CD300E: variants seen among roughly 807,000 people sequenced by gnomAD.
CD300E encodes CMRF35-like molecule 2.
In CD300E, 14 loss-of-function variants were observed where a neutral mutation model predicts 20.9. That is an observed-to-expected ratio of 0.67 (90% CI 0.44 to 1.05). The LOEUF (loss-of-function observed/expected upper bound fraction) is 1.05, where lower values mean the gene tolerates loss of function less well. Ranked by LOEUF, CD300E falls within the 50% of genes least tolerant of loss-of-function variation. The pLI is 0.00. For missense variants in CD300E, 237 were observed against 253.9 expected (o/e 0.93, Z 0.45); for synonymous variants, 102 against 103.7 (o/e 0.98, Z 0.10).
Position 74,614,025 on chromosome 17 carries a change from T to C in CD300E, c.397A>G (p.Thr133Ala), listed in dbSNP as rs56380796. 5,011 of 1,613,370 alleles carry C rather than the reference T, an allele frequency of 3.1e-3. 121 individuals are homozygous for C. In the African/African-American group the frequency reaches 0.057, roughly 18 times the overall value. The part of the protein sequence containing the change: ...VRVYVSPAIT[T>A]PRRTTHPATP... ...GCTGGATGTGTGGTCCTCCTTGGGG[T>C]TGTAATTGCTGTTGGAGATGAAAAT... Residue 133 changes from threonine to alanine, a missense_variant, in exon 3 of 4, where the codon ACC becomes GCC. Physicochemically the swap from Thr to Ala is moderately conservative, Grantham distance 58. Coordinates refer to ENST00000392619, the MANE Select transcript of CD300E (RefSeq NM_181449.3).
chr17:74,612,852 T>G, intron 3 of CD300E, 79 bp from the exon 4 acceptor site: 2 of 1,563,814 alleles, frequency 1.3e-6, no homozygotes, highest in Non-Finnish European at 1.7e-6. Context: ...CTCCCCATGC[T>G]CTGACTCTGG....
chr17:74,621,205 G>C (rs1022230509), intron 1 of CD300E, among the ~76,000 whole-genome samples: 1 of 152,126 alleles, frequency 6.6e-6, no homozygotes, highest in African/African-American at 2.4e-5. Context: ...GCAAAGTATT[G>C]GCAGATGACA....
intron 1 of CD300E, among the ~76,000 whole-genome samples, chr17:74,618,929 C>T (rs1345300367): frequency 6.6e-6 from 1 of 152,122 alleles, no homozygotes; most frequent in Non-Finnish European, 1.5e-5. Context: ...CTGAGCACTC[C>T]CCATTTCTCT....
chr17:74,612,273 C>G lies in CD300E; in HGVS notation c.*380G>C, dbSNP rs2030800917. Reference sequence around the variant, plus strand: ...TCTCTCTCTCTCTCTCTCTCTCTCTCTCTCTGAGACAGGGCTCTCTATGTT... The same window carrying G: ...TCTCTCTCTCTCTCTCTCTCTCTCTGTCTCTGAGACAGGGCTCTCTATGTT... On this transcript the variant is annotated 3_prime_UTR_variant, in exon 4 of 4. Transcript: ENST00000392619. The G allele has an allele frequency of 2.5e-5, 4 of 160,234 alleles. No homozygotes were observed. The highest frequency in any genetic ancestry group is 3.0e-3 in the Middle Eastern group (1 of 328). The allele number at this position is 160,234 out of a possible 1,614,324, so 9.9% of individuals were successfully genotyped here.
At chr17:74,621,361 G>T (rs752595250) in intron 1 of CD300E, among the ~76,000 whole-genome samples, 1 of 152,080 alleles carries the variant, frequency 6.6e-6, no homozygotes, top group Non-Finnish European at 1.5e-5. Context: ...ATAAAAGAGG[G>T]TCTTGAATGG....
At chr17:74,620,948 C>T (rs2031009022) in intron 1 of CD300E, among the ~76,000 whole-genome samples, 2 of 151,918 alleles carry the variant, frequency 1.3e-5, no homozygotes, top group Non-Finnish European at 2.9e-5. Flanking sequence ...GAGGCCGAGG[C>T]ACGAGAATTG....
rs2143355457 is a variant in CD300E, at chr17:74,614,039, G to T, written c.389-6C>A. Reference sequence around the variant, plus strand: ...CCTCCTTGGGGTTGTAATTGCTGTTGGAGATGAAAATGATGCATCAGCCGT... The same window carrying T: ...CCTCCTTGGGGTTGTAATTGCTGTTTGAGATGAAAATGATGCATCAGCCGT... On this transcript the variant is annotated splice_polypyrimidine_tract_variant and splice_region_variant and intron_variant, in intron 2 of 3. Transcript: ENST00000392619. 1 of 1,610,902 alleles carries T rather than the reference G, an allele frequency of 6.2e-7. No individual in the cohort carries two copies. The highest frequency in any genetic ancestry group is 8.5e-7 in the Non-Finnish European group (1 of 1,177,312).
chr17:74,613,738 C>T (rs2030834157), intron 3 of CD300E, among the ~76,000 whole-genome samples, 187 bp downstream of exon 3: 5 of 152,156 alleles, frequency 3.3e-5, no homozygotes, highest in Middle Eastern at 3.2e-3. Context: ...TAGGGAAAGG[C>T]GTTCACAGCA....
Position 74,611,182 on chromosome 17 carries a change from A to G in CD300E, c.*1471T>C, listed in dbSNP as rs2030767922. 1 of 152,178 alleles carries G rather than the reference A, an allele frequency of 6.6e-6. No individual in the cohort carries two copies. Among genetic ancestry groups the G allele is most frequent in the Admixed American group, 6.5e-5 (1 of 15,282 alleles). 9.4% of individuals were successfully genotyped at this position (152,178 alleles called of 1,614,324 possible). A position where few individuals can be genotyped will look rare whatever the true frequency, so the allele number is the denominator to read the frequency against. Reference sequence around the variant, plus strand: ...TAATATAATTAATATGGGCCTTGTTAGATTGAATTTCTCTTTCAGCATGAG... The same window carrying G: ...TAATATAATTAATATGGGCCTTGTTGGATTGAATTTCTCTTTCAGCATGAG... On this transcript the variant is annotated 3_prime_UTR_variant, in exon 4 of 4. Transcript: ENST00000392619.
Position 74,610,818 on chromosome 17 carries a change from G to A in CD300E, c.*1835C>T, listed in dbSNP as rs1424273795. ...TGAGCATCTGTATGTGAACAGTACA[G>A]TCCATTTGCTGATAGGTCTTCTATA... is the stretch of plus-strand genomic sequence containing the variant. On this transcript the variant is annotated 3_prime_UTR_variant, in exon 4 of 4. Transcript: ENST00000392619. 6.6e-6 allele frequency: 1 copy of A among 152,238 alleles called. No individual in the cohort carries two copies. The highest frequency in any genetic ancestry group is 1.5e-5 in the Non-Finnish European group (1 of 68,048). 9.4% of individuals were successfully genotyped at this position (152,238 alleles called of 1,614,324 possible). A position where few individuals can be genotyped will look rare whatever the true frequency, so the allele number is the denominator to read the frequency against.
chr17:74,620,892 A>C (rs2031007510), intron 1 of CD300E, among the ~76,000 whole-genome samples: 1 of 151,850 alleles, frequency 6.6e-6, no homozygotes, highest in Non-Finnish European at 1.5e-5. Flanking sequence ...AAAATACAAA[A>C]ATTAGCCAGG....
intron 1 of CD300E, among the ~76,000 whole-genome samples, chr17:74,617,762 C>G (rs75085866): frequency 6.6e-6 from 1 of 152,162 alleles, no homozygotes; most frequent in Non-Finnish European, 1.5e-5. Context: ...GCCCTGCAGC[C>G]TCTGCCAGGC....
In CD300E at chr17:74,619,143, C is replaced by A. The variant is rs141713527; in HGVS notation, c.41-1678G>T. 647 of 471,280 alleles carry A rather than the reference C, an allele frequency of 1.4e-3. 1 individual carries two copies. The highest frequency in any genetic ancestry group is 2.1e-3 in the Non-Finnish European group (475 of 227,050). 29.2% of individuals were successfully genotyped at this position (471,280 alleles called of 1,614,324 possible). A position where few individuals can be genotyped will look rare whatever the true frequency, so the allele number is the denominator to read the frequency against. On this transcript the variant is annotated intron_variant, in intron 1 of 3. Coordinates refer to ENST00000392619, the MANE Select transcript of CD300E (RefSeq NM_181449.3). ...CAGCTTCCTCCTGGAGGTGGCACAT[C>A]CCAGCAGCACCTCCTTCTAGGTTCT...
chr17:74,622,384 G>A (rs951175954), intron 1 of CD300E, among the ~76,000 whole-genome samples: 5 of 152,014 alleles, frequency 3.3e-5, no homozygotes, highest in Admixed American at 1.3e-4. Context: ...CAAGAGAGGA[G>A]GATTGCTTGA....
Position 74,612,532 on chromosome 17 carries a change from G to A in CD300E, c.*121C>T. 1 of 1,368,826 alleles carries A rather than the reference G, an allele frequency of 7.3e-7. No individual in the cohort carries two copies. Among genetic ancestry groups the A allele is most frequent in the South Asian group, 1.4e-5 (1 of 73,926 alleles). 84.8% of individuals were successfully genotyped at this position (1,368,826 alleles called of 1,614,324 possible). A position where few individuals can be genotyped will look rare whatever the true frequency, so the allele number is the denominator to read the frequency against. ...CTAAGAGCCAGGACCCTCCTTTGAGGCACAGGAACAATAAATCCCTCCAGA... is the reference window on the plus strand; with the variant it reads ...CTAAGAGCCAGGACCCTCCTTTGAGACACAGGAACAATAAATCCCTCCAGA... On this transcript the variant is annotated 3_prime_UTR_variant, in exon 4 of 4. Transcript: ENST00000392619.
At chr17:74,617,025 A>G in intron 2 of CD300E, 93 bp downstream of exon 2, 2 of 1,084,916 alleles carry the variant, frequency 1.8e-6, no homozygotes, top group Non-Finnish European at 2.8e-6. Flanking sequence ...GGACAAGACA[A>G]GACTTGGACG....
At chr17:74,616,538 G>C (rs1265443936) in intron 2 of CD300E, among the ~76,000 whole-genome samples, 1 of 152,146 alleles carries the variant, frequency 6.6e-6, no homozygotes, top group African/African-American at 2.4e-5. Flanking sequence ...GGTCGGCCTT[G>C]TCAAGCACAG....
rs1331882302 is a variant in CD300E at position 74,612,460 on chromosome 17, A to C, written c.*193T>G. On this transcript the variant is annotated 3_prime_UTR_variant, in exon 4 of 4. Transcript: ENST00000392619. Reference sequence around the variant, plus strand: ...GGGAGGCAGGGGACTGGGGAGGAGAAAGGAGGACCCCCAAGCTGCACATTG... The same window carrying C: ...GGGAGGCAGGGGACTGGGGAGGAGACAGGAGGACCCCCAAGCTGCACATTG... 5 of 596,432 alleles carry C rather than the reference A, an allele frequency of 8.4e-6. No homozygotes were observed. Among genetic ancestry groups the C allele is most frequent in the Non-Finnish European group, 1.4e-5 (5 of 365,498 alleles). 36.9% of individuals were successfully genotyped at this position (596,432 alleles called of 1,614,324 possible). A position where few individuals can be genotyped will look rare whatever the true frequency, so the allele number is the denominator to read the frequency against.
rs1598148242 is a variant in CD300E, at chr17:74,614,005, A to G, written c.417T>C (p.His139=). Residue 139 remains histidine (H), a synonymous_variant, in exon 3 of 4, where the codon CAT becomes CAC. Transcript: ENST00000392619. ...PAITTPRRTT[H]PATPPIFLVV... Reference sequence around the variant, plus strand: ...CCAGGAAGATGGGAGGTGTGGCTGGATGTGTGGTCCTCCTTGGGGTTGTAA... The same window carrying G: ...CCAGGAAGATGGGAGGTGTGGCTGGGTGTGTGGTCCTCCTTGGGGTTGTAA... The G allele has an allele frequency of 6.2e-7, 1 of 1,613,916 alleles. No homozygotes were observed. Among genetic ancestry groups the G allele is most frequent in the Non-Finnish European group, 8.5e-7 (1 of 1,179,902 alleles).
Sources: allele counts gnomAD v4.1 joint callset (sites outside exome capture counted in the v4.1 genomes callset), GRCh38; gene constraint gnomAD v4.1.1; transcripts MANE v1.5; gene names NCBI Gene and HGNC (gene_info 2026-07-23, HGNC 2026-07-21).